The following TMX4 variants were observed in gnomAD, a reference collection of about 807,000 sequenced individuals.
TMX4 encodes thioredoxin-related transmembrane protein 4.
TMX4 carries 23 observed loss-of-function variants against 33.3 expected under a neutral mutation model. The ratio of observed to expected loss-of-function variants is 0.69; its 90% CI spans 0.50 to 0.98. The LOEUF (loss-of-function observed/expected upper bound fraction) is 0.98. TMX4 is among the 50% of genes least tolerant of loss of function. The probability of loss-of-function intolerance (pLI) is 0.00; values close to 1 mark genes in which losing one functional copy is unlikely to be tolerated. For synonymous variants in TMX4, 164 were observed against 161.5 expected (o/e 1.02, Z -0.12); for missense variants, 399 against 448.9 (o/e 0.89, Z 1.01).
intron 1 of TMX4, among the ~76,000 whole-genome samples, chr20:8,018,215 C>CTTT (rs1042968334): frequency 8.2e-6 from 1 of 121,472 alleles, no homozygotes; most frequent in African/African-American, 3.4e-5. Context: ...TGCCAGAAAC[C>CTTT]ACAGGCTAAA....
At chr20:7,993,932 T>A (rs2050665608) in intron 5 of TMX4, among the ~76,000 whole-genome samples, 1 of 152,130 alleles carries the variant, frequency 6.6e-6, no homozygotes, top group African/African-American at 2.4e-5. Flanking sequence ...ATTAAATTCA[T>A]CAGTTAAAAG....
chr20:8,018,064 T>A (rs2050783689), intron 1 of TMX4, among the ~76,000 whole-genome samples: 1 of 151,854 alleles, frequency 6.6e-6, no homozygotes, highest in Admixed American at 6.6e-5. Context: ...GGCTCTGATC[T>A]CACACTGAGG....
rs758545912 is a variant in TMX4 at position 7,983,871 on chromosome 20, A to T, written c.616-14T>A. On this transcript the variant is annotated splice_polypyrimidine_tract_variant and intron_variant, in intron 6 of 7. Transcript: ENST00000246024. The stretch of plus-strand genomic sequence containing the variant: ...TACCACCAAGACCTGGAAGGAAAAA[A>T]GTGATTTTACAGTGAATAGATAGGA... 1.9e-6 allele frequency: 3 copies of T among 1,611,454 alleles called. No individual in the cohort carries two copies. Among genetic ancestry groups the T allele is most frequent in the South Asian group, 1.1e-5 (1 of 90,930 alleles).
At chr20:8,014,049 CT>C (rs1410787485) in intron 1 of TMX4, 5 of 152,178 alleles carry the variant, frequency 3.3e-5, no homozygotes, top group African/African-American at 1.2e-4. Context: ...GTTATTCTTC[CT>C]TTTGGCAAAT....
At chr20:7,999,673 C>T in intron 4 of TMX4, 59 bp downstream of exon 4, 2 of 1,559,064 alleles carry the variant, frequency 1.3e-6, no homozygotes, top group Non-Finnish European at 1.7e-6. Flanking sequence ...GACCCACAGG[C>T]TATTAACTTA....
chr20:7,992,961 T>C (rs1465428162), intron 5 of TMX4, among the ~76,000 whole-genome samples: 1 of 152,238 alleles, frequency 6.6e-6, no homozygotes, highest in Non-Finnish European at 1.5e-5. Flanking sequence ...AGAAAACTAC[T>C]GTTGATCTCT....
At position 7,981,189 on chromosome 20, in the gene TMX4, A is replaced by G. The variant is rs1030934264; in HGVS notation, c.*1062T>C. 6.6e-6 allele frequency: 1 copy of G among 152,176 alleles called. No individual in the cohort carries two copies. The highest frequency in any genetic ancestry group is 1.5e-5 in the Non-Finnish European group (1 of 68,028). The allele number at this position is 152,176 out of a possible 1,614,324, so 9.4% of individuals were successfully genotyped here. A position where few individuals can be genotyped will look rare whatever the true frequency, so the allele number is the denominator to read the frequency against. On this transcript the variant is annotated 3_prime_UTR_variant, in exon 8 of 8. Coordinates refer to ENST00000246024, the MANE Select transcript of TMX4 (RefSeq NM_021156.4). ...CAAATCTTTCACTTTCAGGTACTGG[A>G]GTTCATTAATTCTTTCACCAAAAGC... is the stretch of plus-strand genomic sequence containing the variant.
At chr20:7,985,277 A>ATATATATAT (rs1436534553) in intron 6 of TMX4, among the ~76,000 whole-genome samples, 1 of 110,540 alleles carries the variant, frequency 9.0e-6, no homozygotes, top group Non-Finnish European at 1.7e-5. Context: ...ATATATATAT[A>ATATATATAT]TTTTTTTTTT....
At chr20:7,983,675 G>A in intron 7 of TMX4, 119 bp downstream of exon 7, 1 of 606,836 alleles carries the variant, frequency 1.6e-6, no homozygotes, top group Admixed American at 3.4e-5. Context: ...AAGAAATTTG[G>A]TAGTGATTAT....
intron 5 of TMX4, among the ~76,000 whole-genome samples, chr20:7,988,224 T>C (rs1490007011): frequency 6.6e-6 from 1 of 152,192 alleles, no homozygotes; most frequent in African/African-American, 2.4e-5. Flanking sequence ...GCCATTAAAA[T>C]TCAAGTAACT....
intron 1 of TMX4, among the ~76,000 whole-genome samples, chr20:8,011,463 GGTAA>G (rs1275519049): frequency 7.3e-5 from 11 of 151,412 alleles, no homozygotes; most frequent in Admixed American, 2.0e-4. Flanking sequence ...AAAGCATGCT[GGTAA>G]GTATCATTAA....
intron 1 of TMX4, among the ~76,000 whole-genome samples, chr20:8,018,520 G>GTC (rs1568541337): frequency 2.1e-5 from 1 of 48,584 alleles, no homozygotes; most frequent in Non-Finnish European, 3.2e-5. Context: ...GAGAGAGAGA[G>GTC]AGAGAGAGTC....
At chr20:7,998,184 TA>T (rs1296473774) in intron 4 of TMX4, among the ~76,000 whole-genome samples, 2 of 152,152 alleles carry the variant, frequency 1.3e-5, no homozygotes, top group African/African-American at 4.8e-5. Flanking sequence ...TATTCCTTTA[TA>T]GCAATGCAAG....
At chr20:8,005,977 A>G (rs2050728206) in intron 2 of TMX4, among the ~76,000 whole-genome samples, 1 of 151,538 alleles carries the variant, frequency 6.6e-6, no homozygotes, top group Admixed American at 6.6e-5. Context: ...ACACCAAGGC[A>G]AGAAGCCCTC....
rs184892216 is a variant in TMX4 at position 8,009,142 on chromosome 20, T to C, written c.292+1058A>G. Among the ~76,000 whole-genome samples, 4 of 152,262 alleles carry C rather than the reference T, an allele frequency of 2.6e-5. No individual in the cohort carries two copies. The East Asian group carries it at 5.8e-4, about 22-fold the overall frequency. ...AAAGATGACTGTTAAAATTTGAAAATAGCCACATTTTAGAGATTTAGATTA... is the reference window on the plus strand; with the variant it reads ...AAAGATGACTGTTAAAATTTGAAAACAGCCACATTTTAGAGATTTAGATTA... On this transcript the variant is annotated intron_variant, in intron 2 of 7. Coordinates refer to ENST00000246024, the MANE Select transcript of TMX4 (RefSeq NM_021156.4).
In TMX4 at chr20:7,982,301, C is replaced by T. The variant is rs1213185622; in HGVS notation, c.1000G>A (p.Glu334Lys). Residue 334 changes from glutamate (E) to lysine (K), a missense_variant, in exon 8 of 8, where the codon GAA becomes AAA. By Grantham distance (56) the Glu-to-Lys change is moderately conservative. Transcript: ENST00000246024. ...QPCPADTEVV[E>K]DSLRQRKSQH... ...CTTTTACGCTGCCTCAAGGAGTCTTCCACCACCTCTGTGTCAGCTGGGCAG... is the reference window on the plus strand; with the variant it reads ...CTTTTACGCTGCCTCAAGGAGTCTTTCACCACCTCTGTGTCAGCTGGGCAG... 8.7e-6 allele frequency: 14 copies of T among 1,613,986 alleles called. No individual in the cohort carries two copies. Among genetic ancestry groups the T allele is most frequent in the Non-Finnish European group, 1.1e-5 (13 of 1,180,030 alleles).
intron 1 of TMX4, chr20:8,018,807 A>G (rs1361386551): frequency 8.5e-6 from 2 of 236,550 alleles, no homozygotes; most frequent in South Asian, 4.0e-5. Context: ...ACAAGTTATA[A>G]TAAGTATCAA....
At position 7,978,638 on chromosome 20, in the gene TMX4, C is replaced by A. The variant is rs2050591842; in HGVS notation, c.*3613G>T. 6.6e-6 allele frequency: 1 copy of A among 152,158 alleles called. No individual in the cohort carries two copies. The highest frequency in any genetic ancestry group is 2.4e-5 in the African/African-American group (1 of 41,422). 9.4% of individuals were successfully genotyped at this position (152,158 alleles called of 1,614,324 possible). On this transcript the variant is annotated 3_prime_UTR_variant, in exon 8 of 8. Coordinates refer to ENST00000246024, the MANE Select transcript of TMX4 (RefSeq NM_021156.4). ...CAGTAGTTATTTTGAATGTATAGAGCTAAAGAGGCCTGTGGCTAACAGACA... is the reference window on the plus strand; with the variant it reads ...CAGTAGTTATTTTGAATGTATAGAGATAAAGAGGCCTGTGGCTAACAGACA...
rs60707879 is a variant in TMX4, at chr20:7,984,853, C to CAA, written c.616-998_616-997dup. ...AATTTTGACTCAGTTGGTGAGATTA[C>CAA]AAAAAAAAAAAATTTGGATCCTAGC... On this transcript the variant is annotated intron_variant, in intron 6 of 7. Coordinates refer to ENST00000246024, the MANE Select transcript of TMX4 (RefSeq NM_021156.4). Among the ~76,000 whole-genome samples, 3 of 143,990 alleles carry CAA rather than the reference C, an allele frequency of 2.1e-5. No homozygotes were observed. In the South Asian group the frequency reaches 6.5e-4, roughly 31 times the overall value. 94.5% of individuals were successfully genotyped at this position (143,990 alleles called of 152,430 possible).
Sources: gnomAD v4.1 joint callset for allele counts (sites outside exome capture counted in the v4.1 genomes callset) on GRCh38, gnomAD v4.1.1 for gene constraint, MANE v1.5 for transcripts, NCBI Gene and HGNC (gene_info 2026-07-23, HGNC 2026-07-21) for gene names.